SLC43A2: variants seen among roughly 807,000 people sequenced by gnomAD.
SLC43A2 encodes the protein large neutral amino acids transporter small subunit 4.
SLC43A2 carries 38 observed loss-of-function variants against 63.2 expected under a neutral mutation model. The observed-to-expected ratio is 0.60, with a 90% CI of 0.46 to 0.79. The LOEUF is 0.79. SLC43A2 is among the 30% of genes least tolerant of loss of function. SLC43A2 has a pLI of 0.00. For synonymous variants in SLC43A2, 322 were observed against 331.0 expected, an observed-to-expected ratio of 0.97 and a Z score of 0.30; for missense variants, 644 against 756.2, an observed-to-expected ratio of 0.85 and a Z score of 1.74.
chr17:1,613,858 G>C (rs1907345604), intron 4 of SLC43A2, among the ~76,000 whole-genome samples: 1 of 152,138 alleles, frequency 6.6e-6, no homozygotes, highest in Non-Finnish European at 1.5e-5. Context: ...CAACACTTTG[G>C]GAGGCTGAAG....
intron 5 of SLC43A2, among the ~76,000 whole-genome samples, chr17:1,611,670 G>A (rs942093306): frequency 2.6e-5 from 4 of 151,322 alleles, no homozygotes; most frequent in African/African-American, 9.7e-5. Flanking sequence ...AGGTCCAGAA[G>A]CCCCCAGAGC....
At chr17:1,616,920 T>C (rs1171883524) in intron 2 of SLC43A2, 151 bp from the exon 3 acceptor site, 1 of 818,794 alleles carries the variant, frequency 1.2e-6, no homozygotes, top group African/African-American at 1.7e-5. Context: ...CGCAGCAGGC[T>C]TGGATGGCCA....
In SLC43A2 at chr17:1,575,314, C is replaced by T. The variant is rs1482058825; in HGVS notation, c.*290G>A. Reference sequence around the variant, plus strand: ...GGCGGGAGAGCGCCTGCCTGCCGGGCGTTCCTGGCTCCTGCTGCAGGCACC... The same window carrying T: ...GGCGGGAGAGCGCCTGCCTGCCGGGTGTTCCTGGCTCCTGCTGCAGGCACC... On this transcript the variant is annotated 3_prime_UTR_variant, in exon 14 of 14. Transcript: ENST00000301335. 7 of 504,148 alleles carry T rather than the reference C, an allele frequency of 1.4e-5. No homozygotes were observed. The highest frequency in any genetic ancestry group is 4.4e-5 in the South Asian group (2 of 45,500). The allele number at this position is 504,148 out of a possible 1,614,324, so 31.2% of individuals were successfully genotyped here.
chr17:1,585,438 G>T (rs2076087052), intron 10 of SLC43A2: 2 of 344,398 alleles, frequency 5.8e-6, no homozygotes, highest in Non-Finnish European at 5.2e-6. Context: ...TAGAGACCGG[G>T]TTTTACCACA....
intron 5 of SLC43A2, among the ~76,000 whole-genome samples, chr17:1,611,521 A>G (rs1035542993): frequency 5.9e-5 from 9 of 151,624 alleles, no homozygotes; most frequent in Non-Finnish European, 1.3e-4. Flanking sequence ...TATAGTCCCA[A>G]CTACTCGGGA....
At chr17:1,585,816 C>A (rs1216789166) in intron 10 of SLC43A2, 97 bp downstream of exon 10, 1 of 1,604,930 alleles carries the variant, frequency 6.2e-7, no homozygotes, top group Admixed American at 1.7e-5. Flanking sequence ...ATTGCTCTCT[C>A]CCTCTGTCCC....
At chr17:1,628,225 G>T in intron 1 of SLC43A2, 1 of 198,348 alleles carries the variant, frequency 5.0e-6, no homozygotes, top group Non-Finnish European at 1.0e-5. Context: ...CGCATGCTCA[G>T]GGCCGTGGAA....
rs146820239 is a variant in SLC43A2 at position 1,591,360 on chromosome 17, C to T, written c.840G>A (p.Arg280=). The part of the protein sequence containing the change: ...GRRLSVGSSM[R]SAKEQVALQE... ...GCAGCGCCACCTGCTCCTTGGCACT[C>T]CTCATGGAGCTGCCCACACTCAGGC... Residue 280 remains arginine, a synonymous_variant, in exon 8 of 14, where the codon AGG becomes AGA. Transcript: ENST00000301335. The T allele has an allele frequency of 1.5e-4, 245 of 1,611,776 alleles. No homozygotes were observed. The African/African-American group carries it at 2.9e-3, about 19-fold the overall frequency.
At chr17:1,602,805 C>T (rs1215811670) in intron 5 of SLC43A2, among the ~76,000 whole-genome samples, 2 of 140,664 alleles carry the variant, frequency 1.4e-5, no homozygotes, top group African/African-American at 5.4e-5. Context: ...ATTGCCCAGG[C>T]TGGAGTGCAA....
intron 2 of SLC43A2, among the ~76,000 whole-genome samples, chr17:1,622,218 G>A (rs564434150): frequency 3.9e-4 from 59 of 152,328 alleles, no homozygotes; most frequent in African/African-American, 1.4e-3. Flanking sequence ...ATAAACTGGG[G>A]GAAAAGTTTA....
In SLC43A2 at chr17:1,591,634, C is replaced by A; in HGVS notation, c.660G>T (p.Leu220=). Residue 220 remains leucine, a synonymous_variant, in exon 7 of 14, where the codon CTG becomes CTT. Transcript: ENST00000301335. ...VLVVWAGCSG[L]VFLNCFFNWP... is the part of the protein sequence containing the mutation. ...AGTTAAAGAAGCAGTTGAGGAAAAC[C>A]AGCCCGGAGCAGCCGGCCCAGACCA... is the stretch of plus-strand genomic sequence containing the variant. 6.5e-7 allele frequency: 1 copy of A among 1,549,350 alleles called. No homozygotes were observed. Among genetic ancestry groups the A allele is most frequent in the Non-Finnish European group, 8.7e-7 (1 of 1,146,662 alleles).
At chr17:1,623,042 G>T (rs1292186946) in intron 2 of SLC43A2, among the ~76,000 whole-genome samples, 3 of 151,984 alleles carry the variant, frequency 2.0e-5, no homozygotes, top group Non-Finnish European at 4.4e-5. Context: ...AGAGGCAGAG[G>T]TTACAGTGAG....
chr17:1,591,027 T>C, intron 8 of SLC43A2, 79 bp from the exon 9 acceptor site: 4 of 1,473,830 alleles, frequency 2.7e-6, no homozygotes, highest in Non-Finnish European at 3.7e-6. Flanking sequence ...CCCTCCACGC[T>C]GGAGGCCAGG....
chr17:1,628,121 C>T (rs2151087126), intron 1 of SLC43A2: 2 of 394,414 alleles, frequency 5.1e-6, no homozygotes, highest in Non-Finnish European at 4.1e-6. Context: ...TACCGCTGCC[C>T]TCCGCTACGA....
Position 1,594,738 on chromosome 17 carries a change from C to T in SLC43A2, c.502-1459G>A, listed in dbSNP as rs376345632. On this transcript the variant is annotated intron_variant, in intron 5 of 13. Coordinates refer to ENST00000301335, the MANE Select transcript of SLC43A2 (RefSeq NM_152346.3). ...GTGTAGCTGGGACTATAGGCGCCCG[C>T]CACCACACCCGGCTAATTTTTTTGT... Among the ~76,000 whole-genome samples, 481 of 151,400 alleles carry T rather than the reference C, an allele frequency of 3.2e-3. 1 individual carries two copies. The highest frequency in any genetic ancestry group is 5.0e-3 in the Non-Finnish European group (342 of 67,874).
intron 13 of SLC43A2, 105 bp from the exon 14 acceptor site, chr17:1,575,870 A>AG (rs1351090667): frequency 1.1e-5 from 14 of 1,328,770 alleles, no homozygotes; most frequent in South Asian, 1.5e-5. Flanking sequence ...CACGGGGTGG[A>AG]AGGGGGAACG....
upstream of SLC43A2, among the ~76,000 whole-genome samples, chr17:1,629,808 C>T (rs1449684155): frequency 6.6e-6 from 1 of 152,212 alleles, no homozygotes; most frequent in Non-Finnish European, 1.5e-5. Context: ...CTCCGGGTCC[C>T]CGTCTGATAA....
chr17:1,580,073 C>G (rs1248094362), intron 11 of SLC43A2, among the ~76,000 whole-genome samples: 1 of 152,006 alleles, frequency 6.6e-6, no homozygotes, highest in Admixed American at 6.6e-5. Context: ...ATTACAGGTG[C>G]ATGCCACCAA....
chr17:1,624,480 A>G (rs1238396910), intron 2 of SLC43A2, among the ~76,000 whole-genome samples: 4 of 151,848 alleles, frequency 2.6e-5, no homozygotes, highest in African/African-American at 9.7e-5. Flanking sequence ...AGGCGGGTGG[A>G]TCACCTGAGG....
Sources: allele counts gnomAD v4.1 joint callset (sites outside exome capture counted in the v4.1 genomes callset), GRCh38; gene constraint gnomAD v4.1.1; transcripts MANE v1.5; gene names NCBI Gene and HGNC (gene_info 2026-07-23, HGNC 2026-07-21).